Variants in LINC00305 observed in about 807,000 individuals in gnomAD.
LINC00305 encodes long independently transcribed non-coding RNA 305.
At chr18:64,086,796 C>T (rs1409018310) in intron 3 of LINC00305, among the ~76,000 whole-genome samples, 1 of 152,156 alleles carries the variant, frequency 6.6e-6, no homozygotes. Context: ...GTGATGTGTG[C>T]AGCAAACGAG....
At chr18:64,146,555 G>A (rs967067991) in intron 1 of LINC00305, among the ~76,000 whole-genome samples, 2 of 152,148 alleles carry the variant, frequency 1.3e-5, no homozygotes, top group African/African-American at 4.8e-5. Context: ...AAGTGAGACA[G>A]CCAGACATAA....
At chr18:64,105,778 T>C (rs1323474202) in intron 1 of LINC00305, among the ~76,000 whole-genome samples, 1 of 152,202 alleles carries the variant, frequency 6.6e-6, no homozygotes, top group Non-Finnish European at 1.5e-5. Context: ...ATATCAATAC[T>C]ACGATAAATA....
chr18:64,129,374 G>A (rs1274719267), intron 1 of LINC00305, among the ~76,000 whole-genome samples: 1 of 151,942 alleles, frequency 6.6e-6, no homozygotes, highest in Admixed American at 6.6e-5. Flanking sequence ...TTAAAAAATT[G>A]GGGGTATGGG....
At chr18:64,127,526 C>T (rs1037542999) in intron 1 of LINC00305, 1 of 152,116 alleles carries the variant, frequency 6.6e-6, no homozygotes, top group African/African-American at 2.4e-5. Context: ...TCTCATGCCT[C>T]CTTGTAGCTT....
intron 1 of LINC00305, among the ~76,000 whole-genome samples, chr18:64,106,850 G>C (rs1373501393): frequency 1.3e-5 from 2 of 152,160 alleles, no homozygotes; most frequent in African/African-American, 4.8e-5. Flanking sequence ...TGTGGCTCAG[G>C]TGGCAAACTT....
chr18:64,117,086 G>T lies in LINC00305; in HGVS notation n.315-18446C>A, dbSNP rs113754946. Among the ~76,000 whole-genome samples, 895 of 152,172 alleles carry T rather than the reference G, an allele frequency of 5.9e-3. 7 individuals are homozygous for T. The highest frequency in any genetic ancestry group is 0.021 in the African/African-American group (856 of 41,512). ...AGTCCTTGCTCACTCTAATAAATCC[G>T]GTGGCTGAAGACAAAGCTTAGTGTT... On this transcript the variant is annotated intron_variant and non_coding_transcript_variant, in intron 1 of 3. Transcript: ENST00000666468.
intron 1 of LINC00305, among the ~76,000 whole-genome samples, chr18:64,106,479 T>C (rs1048838086): frequency 1.4e-4 from 21 of 152,202 alleles, no homozygotes; most frequent in African/African-American, 4.8e-4. Flanking sequence ...TGTTCGAAGA[T>C]GCCCTCTCCC....
At chr18:64,092,476 C>T (rs1042792949) in intron 3 of LINC00305, among the ~76,000 whole-genome samples, 4 of 152,210 alleles carry the variant, frequency 2.6e-5, no homozygotes, top group East Asian at 3.9e-4. Context: ...GCCGGAGAAT[C>T]GCTTGAACCC....
At chr18:64,122,201 T>C (rs1488016631) in intron 1 of LINC00305, among the ~76,000 whole-genome samples, 2 of 152,146 alleles carry the variant, frequency 1.3e-5, no homozygotes, top group African/African-American at 4.8e-5. Flanking sequence ...GTCTCATTTG[T>C]CTATTTTTGT....
In LINC00305 at chr18:64,123,848, G is replaced by A. The variant is rs572570033; in HGVS notation, n.314+24927C>T. Among the ~76,000 whole-genome samples the A allele has an allele frequency of 2.0e-5, 3 of 152,130 alleles. No homozygotes were observed. The South Asian group carries it at 6.2e-4, about 32-fold the overall frequency. ...CTCTGTCAAGAATGAGGGAGTTCTT[G>A]CTGTATTTGTTACTTGAGAGCTGGC... On this transcript the variant is annotated intron_variant and non_coding_transcript_variant, in intron 1 of 3. Coordinates refer to ENST00000666468, the Ensembl canonical transcript of LINC00305.
chr18:64,087,796 A>G (rs1055669752), intron 3 of LINC00305, among the ~76,000 whole-genome samples: 2 of 152,172 alleles, frequency 1.3e-5, no homozygotes, highest in Non-Finnish European at 2.9e-5. Flanking sequence ...CTCAATAGAA[A>G]TTCAGAGAGA....
At chr18:64,093,526 G>GT (rs1169942785) in intron 3 of LINC00305, among the ~76,000 whole-genome samples, 1 of 152,122 alleles carries the variant, frequency 6.6e-6, no homozygotes, top group African/African-American at 2.4e-5. Context: ...TAGAGATGGT[G>GT]TTTCACCATG....
At chr18:64,094,502 A>G (rs894454912) in intron 3 of LINC00305, among the ~76,000 whole-genome samples, 1 of 152,184 alleles carries the variant, frequency 6.6e-6, no homozygotes, top group Non-Finnish European at 1.5e-5. Context: ...AGCTTCCAGC[A>G]TGGCTGAACC....
rs987201758 is a variant in LINC00305, at chr18:64,143,474, G to A, written n.314+5301C>T. 2.2e-4 allele frequency among the ~76,000 whole-genome samples: 19 copies of A among 88,220 alleles called. No individual in the cohort carries two copies. In the Admixed American group the frequency reaches 2.5e-3, roughly 12 times the overall value. The allele number at this position is 88,220 out of a possible 152,430, so 57.9% of individuals were successfully genotyped here. On this transcript the variant is annotated intron_variant and non_coding_transcript_variant, in intron 1 of 3. Coordinates refer to ENST00000666468, the Ensembl canonical transcript of LINC00305. ...TAGTAGATGGCCTAGTATCTGAAAA[G>A]CATTGATGGTGTGTGTGTGTATATA... is the stretch of plus-strand genomic sequence containing the variant.
At chr18:64,097,713 C>G (rs2051250241) in intron 3 of LINC00305, 1 of 352,016 alleles carries the variant, frequency 2.8e-6, no homozygotes, top group Admixed American at 3.6e-5. Flanking sequence ...TTTAAGCACT[C>G]TATTATCAGA....
intron 3 of LINC00305, among the ~76,000 whole-genome samples, chr18:64,081,041 T>C (rs1393338255): frequency 6.6e-6 from 1 of 152,206 alleles, no homozygotes; most frequent in Non-Finnish European, 1.5e-5. Flanking sequence ...GTATTGAAAA[T>C]AGGGATAAAC....
Position 64,089,222 on chromosome 18 carries a change from G to A in LINC00305, n.540+8612C>T, listed in dbSNP as rs112536595. Among the ~76,000 whole-genome samples the A allele has an allele frequency of 3.8e-3, 578 of 152,260 alleles. 9 individuals carry two copies. The highest frequency in any genetic ancestry group is 0.014 in the African/African-American group (563 of 41,542). On this transcript the variant is annotated intron_variant and non_coding_transcript_variant, in intron 3 of 3. Coordinates refer to ENST00000666468, the Ensembl canonical transcript of LINC00305. Reference sequence around the variant, plus strand: ...TTCCCCATGCTGTTCTCATGATAGTGGGTAAGTCTCATTAGATCTGATGGT... The same window carrying A: ...TTCCCCATGCTGTTCTCATGATAGTAGGTAAGTCTCATTAGATCTGATGGT...
intron 1 of LINC00305, among the ~76,000 whole-genome samples, chr18:64,134,803 G>A (rs2051425072): frequency 6.6e-6 from 1 of 152,158 alleles, no homozygotes; most frequent in African/African-American, 2.4e-5. Flanking sequence ...GTAAAATTAT[G>A]AAAATCAACA....
chr18:64,133,323 A>G (rs1190837285), intron 1 of LINC00305, among the ~76,000 whole-genome samples: 1 of 152,224 alleles, frequency 6.6e-6, no homozygotes, highest in Non-Finnish European at 1.5e-5. Context: ...TACCCAGACC[A>G]GAGGTGGATG....
Sources: allele counts gnomAD v4.1 joint callset (sites outside exome capture counted in the v4.1 genomes callset), GRCh38; gene constraint gnomAD v4.1.1; transcripts MANE v1.5; gene names NCBI Gene and HGNC (gene_info 2026-07-23, HGNC 2026-07-21).